The following CDH8 variants were observed in gnomAD, a reference collection of about 807,000 sequenced individuals.
CDH8 encodes cadherin-8.
In CDH8, 17 loss-of-function variants were observed where a neutral mutation model predicts 68.1. The observed-to-expected ratio is 0.25, with a 90% CI of 0.17 to 0.37. The LOEUF is 0.37. Among genes scored for constraint, CDH8 ranks in the 10% least tolerant of loss-of-function variants. The probability of loss-of-function intolerance (pLI) is 1.00; values close to 1 mark genes in which losing one functional copy is unlikely to be tolerated. For missense variants in CDH8, 763 were observed against 999.3 expected (o/e 0.76, Z 3.19); for synonymous variants, 372 against 365.1 (o/e 1.02, Z -0.21).
intron 8 of CDH8, among the ~76,000 whole-genome samples, chr16:61,744,679 AT>A (rs1444869308): frequency 1.3e-5 from 2 of 151,432 alleles, no homozygotes; most frequent in Non-Finnish European, 3.0e-5. Flanking sequence ...CCATTTCCCC[AT>A]TATTATATTA....
At chr16:61,708,290 A>G (rs1964569186) in intron 10 of CDH8, among the ~76,000 whole-genome samples, 1 of 152,158 alleles carries the variant, frequency 6.6e-6, no homozygotes, top group Non-Finnish European at 1.5e-5. Flanking sequence ...CCACACCTAT[A>G]AACTATAAAA....
At chr16:61,754,046 T>C (rs12446469) in intron 8 of CDH8, among the ~76,000 whole-genome samples, 1 of 152,168 alleles carries the variant, frequency 6.6e-6, no homozygotes, top group Non-Finnish European at 1.5e-5. Flanking sequence ...GATTTAATTG[T>C]AAGGTCTCAA....
intron 8 of CDH8, among the ~76,000 whole-genome samples, chr16:61,757,050 T>C (rs1318477914): frequency 1.3e-5 from 2 of 152,204 alleles, no homozygotes; most frequent in African/African-American, 4.8e-5. Flanking sequence ...ATTATCTTTT[T>C]TAAATTTCCA....
At chr16:61,936,097 C>A (rs1242207501) in intron 2 of CDH8, among the ~76,000 whole-genome samples, 2 of 151,978 alleles carry the variant, frequency 1.3e-5, no homozygotes, top group Non-Finnish European at 1.5e-5. Flanking sequence ...GTAATACTTA[C>A]CTTATAAATG....
chr16:61,850,948 A>G (rs574773770), intron 4 of CDH8, among the ~76,000 whole-genome samples: 2 of 152,244 alleles, frequency 1.3e-5, no homozygotes, highest in South Asian at 4.1e-4. Flanking sequence ...TAAGCATTGA[A>G]TAATGTGAAG....
At chr16:61,937,001 A>C (rs117710183) in intron 2 of CDH8, among the ~76,000 whole-genome samples, 2,804 of 152,230 alleles carry the variant, frequency 0.018, 38 homozygotes, top group South Asian at 0.029. Flanking sequence ...CTGTATCCTA[A>C]AATAGTAGAT....
intron 8 of CDH8, among the ~76,000 whole-genome samples, chr16:61,766,149 AC>A (rs1239653439): frequency 2.7e-5 from 4 of 146,696 alleles, no homozygotes; most frequent in Non-Finnish European, 6.0e-5. Flanking sequence ...CTCCCACCCT[AC>A]CCCCTTCTGA....
intron 2 of CDH8, among the ~76,000 whole-genome samples, chr16:61,964,209 TTG>T (rs1315026386): frequency 6.6e-6 from 1 of 152,180 alleles, no homozygotes; most frequent in Non-Finnish European, 1.5e-5. Context: ...ACTGAAATAA[TTG>T]TGAGTTCTAC....
chr16:62,020,726 A>G (rs79821133), intron 2 of CDH8, among the ~76,000 whole-genome samples: 2,237 of 152,302 alleles, frequency 0.015, 33 homozygotes, highest in Non-Finnish European at 0.024. Flanking sequence ...GCAATTAGAT[A>G]TATCTGCATA....
intron 10 of CDH8, among the ~76,000 whole-genome samples, chr16:61,659,607 A>G (rs550312664): frequency 2.0e-5 from 3 of 152,074 alleles, no homozygotes; most frequent in Non-Finnish European, 2.9e-5. Flanking sequence ...TGGAGCCTCA[A>G]TCGCCCTTTC....
chr16:61,814,909 G>T (rs1050161324), intron 7 of CDH8, among the ~76,000 whole-genome samples: 2 of 152,152 alleles, frequency 1.3e-5, no homozygotes, highest in African/African-American at 4.8e-5. Flanking sequence ...CTGTAGAACT[G>T]CAGAACAGAT....
chr16:62,023,249 T>C (rs1902116161), intron 1 of CDH8, among the ~76,000 whole-genome samples: 1 of 152,158 alleles, frequency 6.6e-6, no homozygotes, highest in Admixed American at 6.5e-5. Flanking sequence ...ATTTACAGCA[T>C]ACCCATGCTG....
At chr16:61,775,751 T>C (rs1365492061) in intron 8 of CDH8, among the ~76,000 whole-genome samples, 3 of 152,032 alleles carry the variant, frequency 2.0e-5, no homozygotes. Context: ...GAGGCCAAGA[T>C]TGACTTGGCC....
At chr16:61,946,387 T>C (rs977846332) in intron 2 of CDH8, among the ~76,000 whole-genome samples, 7 of 152,174 alleles carry the variant, frequency 4.6e-5, no homozygotes, top group African/African-American at 1.7e-4. Flanking sequence ...GAATTGAAGA[T>C]TGTGTGTCTT....
At chr16:61,752,583 G>A (rs1191845896) in intron 8 of CDH8, among the ~76,000 whole-genome samples, 1 of 152,134 alleles carries the variant, frequency 6.6e-6, no homozygotes, top group Non-Finnish European at 1.5e-5. Context: ...CAGAATATCT[G>A]CAAGCATTCT....
chr16:61,957,223 C>A (rs2143614300), intron 2 of CDH8, among the ~76,000 whole-genome samples: 1 of 152,094 alleles, frequency 6.6e-6, no homozygotes, highest in African/African-American at 2.4e-5. Flanking sequence ...GCACGCACAC[C>A]TTGAAAGGTT....
intron 3 of CDH8, among the ~76,000 whole-genome samples, chr16:61,884,862 A>G (rs550805074): frequency 3.9e-5 from 6 of 152,200 alleles, no homozygotes; most frequent in African/African-American, 1.4e-4. Context: ...ATGGAATTCA[A>G]CTCTGCAAGG....
At chr16:61,883,289 A>G (rs1963611903) in intron 3 of CDH8, among the ~76,000 whole-genome samples, 1 of 152,082 alleles carries the variant, frequency 6.6e-6, no homozygotes, top group African/African-American at 2.4e-5. Flanking sequence ...TTGTAGTGAG[A>G]TTTTTATCCA....
intron 2 of CDH8, among the ~76,000 whole-genome samples, chr16:61,905,873 C>T (rs367775041): frequency 4.6e-4 from 69 of 149,934 alleles, no homozygotes; most frequent in African/African-American, 1.4e-3. Flanking sequence ...CCAGCCTGGG[C>T]GACAGAGCAA....
Sources: gnomAD v4.1 joint callset for allele counts (sites outside exome capture counted in the v4.1 genomes callset) on GRCh38, gnomAD v4.1.1 for gene constraint, MANE v1.5 for transcripts, NCBI Gene and HGNC (gene_info 2026-07-23, HGNC 2026-07-21) for gene names.